The following PIAS1 variants were observed in gnomAD, a reference collection of about 807,000 sequenced individuals.
PIAS1 encodes E3 SUMO-protein ligase PIAS1.
PIAS1 carries 6 observed loss-of-function variants against 71.3 expected under a neutral mutation model. The observed-to-expected ratio is 0.08, with a 90% CI of 0.05 to 0.17. The LOEUF (loss-of-function observed/expected upper bound fraction) is 0.17, where lower values mean the gene tolerates loss of function less well. Among genes scored for constraint, PIAS1 ranks in the 10% least tolerant of loss-of-function variants. The pLI is 1.00. For synonymous variants in PIAS1, 303 were observed against 292.9 expected, an observed-to-expected ratio of 1.03 and a Z score of -0.35; for missense variants, 555 against 793.6, an observed-to-expected ratio of 0.70 and a Z score of 3.61.
At chr15:68,120,606 C>T (rs1205132541) in intron 2 of PIAS1, among the ~76,000 whole-genome samples, 1 of 152,094 alleles carries the variant, frequency 6.6e-6, no homozygotes, top group Admixed American at 6.6e-5. Context: ...TATTTTCCCC[C>T]TCCTGGTCTT....
chr15:68,085,754 T>C (rs1043619168), intron 1 of PIAS1, among the ~76,000 whole-genome samples: 50 of 152,192 alleles, frequency 3.3e-4, no homozygotes, highest in Admixed American at 2.1e-3. Flanking sequence ...ATATCTGATA[T>C]ATAATTGGTC....
At chr15:68,124,792 C>T (rs2092638476) in intron 2 of PIAS1, among the ~76,000 whole-genome samples, 1 of 152,152 alleles carries the variant, frequency 6.6e-6, no homozygotes, top group African/African-American at 2.4e-5. Flanking sequence ...CAAATAGGCT[C>T]ATTTTAAAAA....
At chr15:68,141,873 G>GGT in intron 2 of PIAS1, 73 bp from the exon 3 acceptor site, 1 of 660,546 alleles carries the variant, frequency 1.5e-6, no homozygotes, top group Admixed American at 2.9e-5. Flanking sequence ...AGACATGTGT[G>GGT]TTTTTTTTTT....
intron 10 of PIAS1, 21 bp from the exon 11 acceptor site, chr15:68,176,453 A>T (rs776856762): frequency 1.3e-6 from 2 of 1,524,696 alleles, no homozygotes; most frequent in Non-Finnish European, 1.8e-6. Context: ...CTTGCCTTGT[A>T]TTTTAATCAT....
chr15:68,097,529 T>G (rs1170534554), intron 2 of PIAS1, among the ~76,000 whole-genome samples: 1 of 152,136 alleles, frequency 6.6e-6, no homozygotes, highest in Non-Finnish European at 1.5e-5. Flanking sequence ...GCCTCCTCAG[T>G]TCAAGTGATT....
intron 1 of PIAS1, among the ~76,000 whole-genome samples, chr15:68,072,398 T>TGA (rs1567027721): frequency 2.3e-4 from 8 of 34,336 alleles, no homozygotes; most frequent in African/African-American, 1.1e-3. Context: ...AGACTCCATC[T>TGA]CAAAAAAAAA....
At chr15:68,073,547 A>G (rs1018547393) in intron 1 of PIAS1, among the ~76,000 whole-genome samples, 4 of 152,200 alleles carry the variant, frequency 2.6e-5, no homozygotes, top group Non-Finnish European at 4.4e-5. Flanking sequence ...AATTTTTTTA[A>G]TGTTAGGAGT....
intron 1 of PIAS1, chr15:68,057,597 GTTATTTTCTGCCTCT>G: frequency 2.9e-6 from 1 of 343,216 alleles, no homozygotes; most frequent in South Asian, 2.2e-5. Flanking sequence ...GAATTCTATT[GTTATTTTCTGCCTCT>G]TTATTTTCAA....
chr15:68,150,900 T>C (rs781311695), intron 6 of PIAS1, among the ~76,000 whole-genome samples: 2 of 152,098 alleles, frequency 1.3e-5, no homozygotes, highest in Admixed American at 6.5e-5. Context: ...TCCAAAATAC[T>C]TATAGTCCCA....
At chr15:68,154,868 A>G (rs549939881) in intron 7 of PIAS1, among the ~76,000 whole-genome samples, 1 of 152,328 alleles carries the variant, frequency 6.6e-6, no homozygotes, top group East Asian at 1.9e-4. Context: ...GAAAGAAAAG[A>G]CAGACATCTG....
intron 1 of PIAS1, among the ~76,000 whole-genome samples, chr15:68,055,468 GAT>G (rs1022538899): frequency 2.0e-5 from 3 of 152,074 alleles, no homozygotes; most frequent in African/African-American, 4.8e-5. Context: ...TACCGTAGCA[GAT>G]ATACCACTAC....
chr15:68,174,027 A>G lies in PIAS1; in HGVS notation c.1169+135A>G, dbSNP rs1369704555. The G allele has an allele frequency of 2.5e-5, 12 of 480,142 alleles. No individual in the cohort carries two copies. The highest frequency in any genetic ancestry group is 3.9e-5 in the Non-Finnish European group (11 of 284,870). 29.7% of individuals were successfully genotyped at this position (480,142 alleles called of 1,614,324 possible). A position where few individuals can be genotyped will look rare whatever the true frequency, so the allele number is the denominator to read the frequency against. ...TGTGAGTCTGCAAACCAATATTTTCAAAGTAATTTATTTCAAATTAGTGTT... is the reference window on the plus strand; with the variant it reads ...TGTGAGTCTGCAAACCAATATTTTCGAAGTAATTTATTTCAAATTAGTGTT... On this transcript the variant is annotated intron_variant, in intron 9 of 13. Transcript: ENST00000249636. This position sits in a 1 kb window ranked among gnomAD's most constrained non-coding sequence, Gnocchi z 4.0.
intron 2 of PIAS1, among the ~76,000 whole-genome samples, chr15:68,103,566 T>G (rs2092446073): frequency 6.6e-6 from 1 of 152,176 alleles, no homozygotes. Context: ...TTAGAACATT[T>G]TCATCACCCA....
intron 2 of PIAS1, among the ~76,000 whole-genome samples, chr15:68,138,112 T>G (rs1567059526): frequency 1.3e-5 from 2 of 152,164 alleles, no homozygotes. Flanking sequence ...ATCATGCCAC[T>G]GCACTCTAGC....
chr15:68,146,481 G>C, intron 5 of PIAS1, 85 bp from the exon 6 acceptor site: 1 of 964,406 alleles, frequency 1.0e-6, no homozygotes, highest in Non-Finnish European at 1.6e-6. Context: ...CTAGTATGCA[G>C]TTTGTAGGGG....
intron 1 of PIAS1, among the ~76,000 whole-genome samples, chr15:68,077,318 A>G (rs1180612956): frequency 1.3e-5 from 2 of 152,262 alleles, no homozygotes; most frequent in East Asian, 1.9e-4. Context: ...TAGTCACACC[A>G]TATCTAGATT....
chr15:68,127,998 C>G (rs2092663608), intron 2 of PIAS1, among the ~76,000 whole-genome samples: 1 of 152,144 alleles, frequency 6.6e-6, no homozygotes, highest in South Asian at 2.1e-4. Context: ...CTCCTGACTT[C>G]AAGTGATCTG....
chr15:68,188,057 A>G lies in PIAS1; in HGVS notation c.*222A>G. 2.9e-6 allele frequency: 1 copy of G among 343,602 alleles called. No individual in the cohort carries two copies. The highest frequency in any genetic ancestry group is 4.4e-5 in the East Asian group (1 of 22,840). 21.3% of individuals were successfully genotyped at this position (343,602 alleles called of 1,614,324 possible). On this transcript the variant is annotated 3_prime_UTR_variant, in exon 14 of 14. Coordinates refer to ENST00000249636, the MANE Select transcript of PIAS1 (RefSeq NM_016166.3). ...TCTAAGACTGCCTGTGTGATAAAAC[A>G]CTTGTTTAAAAAAAAAAAGGAAAGA...
chr15:68,156,329 A>T (rs1211036047), intron 7 of PIAS1, among the ~76,000 whole-genome samples: 2 of 152,214 alleles, frequency 1.3e-5, no homozygotes, highest in African/African-American at 4.8e-5. Context: ...TTAAGGCAAG[A>T]TTATAAGTAT....
Sources: gnomAD v4.1 joint callset for allele counts (sites outside exome capture counted in the v4.1 genomes callset) on GRCh38, gnomAD v4.1.1 for gene constraint, Gnocchi (gnomAD v3.1) non-coding constraint, MANE v1.5 for transcripts, NCBI Gene and HGNC (gene_info 2026-07-23, HGNC 2026-07-21) for gene names.